RTN1: variants seen among roughly 807,000 people sequenced by gnomAD.
RTN1 encodes reticulon 1.
A neutral mutation model predicts 65.5 loss-of-function variants in RTN1; 25 were observed. The observed-to-expected ratio is 0.38, with a 90% CI of 0.28 to 0.53. The LOEUF (loss-of-function observed/expected upper bound fraction) is 0.53. RTN1 is among the 20% of genes least tolerant of loss of function. RTN1 has a pLI of 0.79. For synonymous variants in RTN1, 471 were observed against 447.6 expected, an observed-to-expected ratio of 1.05 and a Z score of -0.66; for missense variants, 983 against 1,025.4, an observed-to-expected ratio of 0.96 and a Z score of 0.57.
intron 2 of RTN1, among the ~76,000 whole-genome samples, chr14:59,734,287 T>A (rs189309095): frequency 6.6e-6 from 1 of 152,110 alleles, no homozygotes; most frequent in Non-Finnish European, 1.5e-5. Flanking sequence ...AAAGAACCAA[T>A]GCAAAAACTC....
intron 2 of RTN1, among the ~76,000 whole-genome samples, chr14:59,730,893 A>T (rs1264763422): frequency 6.6e-6 from 1 of 152,218 alleles, no homozygotes; most frequent in Admixed American, 6.5e-5. Context: ...ACCTTTATGC[A>T]CTGCTGGTGG....
chr14:59,654,215 C>T (rs1019393242), intron 3 of RTN1, among the ~76,000 whole-genome samples: 3 of 152,138 alleles, frequency 2.0e-5, no homozygotes, highest in African/African-American at 4.8e-5. Context: ...CACCTGAGGT[C>T]GGGAGTTCGA....
intron 3 of RTN1, among the ~76,000 whole-genome samples, chr14:59,721,026 A>G (rs1884636403): frequency 6.6e-6 from 1 of 152,144 alleles, no homozygotes. Flanking sequence ...TAGAATTATG[A>G]GAAGAAAGTA....
chr14:59,839,874 G>A (rs965775140), intron 1 of RTN1, among the ~76,000 whole-genome samples: 2 of 151,862 alleles, frequency 1.3e-5, no homozygotes, highest in Non-Finnish European at 2.9e-5. Context: ...TACACATACA[G>A]AAAAAAATCA....
chr14:59,815,634 G>T (rs866859360), intron 1 of RTN1, among the ~76,000 whole-genome samples: 3 of 152,096 alleles, frequency 2.0e-5, no homozygotes, highest in African/African-American at 7.2e-5. Flanking sequence ...GTCTCCATGG[G>T]GAGCCTATCT....
intron 3 of RTN1, among the ~76,000 whole-genome samples, chr14:59,617,838 C>T (rs1402671348): frequency 6.6e-6 from 1 of 152,178 alleles, no homozygotes; most frequent in East Asian, 1.9e-4. Context: ...TACGCTCAGA[C>T]AGTTGCAAAG....
At chr14:59,817,293 G>T (rs565632360) in intron 1 of RTN1, among the ~76,000 whole-genome samples, 7 of 152,284 alleles carry the variant, frequency 4.6e-5, no homozygotes, top group Non-Finnish European at 1.0e-4. Context: ...AGGATGCCAT[G>T]AGCCTATCTA....
chr14:59,782,312 T>C (rs1295572942), intron 1 of RTN1, among the ~76,000 whole-genome samples: 1 of 152,312 alleles, frequency 6.6e-6, no homozygotes, highest in Admixed American at 6.5e-5. Flanking sequence ...ATGAAGGCAT[T>C]GTTACTGGAA....
chr14:59,736,366 A>G (rs748013386), intron 2 of RTN1, among the ~76,000 whole-genome samples: 1 of 152,198 alleles, frequency 6.6e-6, no homozygotes, highest in Admixed American at 6.5e-5. Context: ...CCACAGAAAT[A>G]CAAACAATGA....
At chr14:59,703,384 G>A (rs1326732219) in intron 3 of RTN1, among the ~76,000 whole-genome samples, 1 of 152,076 alleles carries the variant, frequency 6.6e-6, no homozygotes, top group Non-Finnish European at 1.5e-5. Flanking sequence ...GAGTTCACAT[G>A]AGATCTGATT....
intron 3 of RTN1, among the ~76,000 whole-genome samples, chr14:59,720,100 C>A (rs1449510075): frequency 2.6e-5 from 4 of 152,012 alleles, no homozygotes; most frequent in East Asian, 1.9e-4. Flanking sequence ...TACCAAGGTA[C>A]AATAACCATT....
intron 3 of RTN1, among the ~76,000 whole-genome samples, chr14:59,671,606 C>G (rs1883506345): frequency 6.6e-6 from 1 of 152,212 alleles, no homozygotes; most frequent in South Asian, 2.1e-4. Context: ...CACAAAGCCC[C>G]TCAGTGGTAG....
chr14:59,802,972 A>T (rs1345923072), intron 1 of RTN1, among the ~76,000 whole-genome samples: 1 of 151,928 alleles, frequency 6.6e-6, no homozygotes, highest in South Asian at 2.1e-4. Flanking sequence ...TACAGGTGAC[A>T]TTTAATTTTC....
At chr14:59,597,314 T>C (rs1041190974) in intron 8 of RTN1, among the ~76,000 whole-genome samples, 1 of 152,248 alleles carries the variant, frequency 6.6e-6, no homozygotes, top group Non-Finnish European at 1.5e-5. Flanking sequence ...TTCTATTAAT[T>C]AGCTGTGTGG....
chr14:59,744,736 C>T (rs1482644675), intron 2 of RTN1, among the ~76,000 whole-genome samples: 1 of 152,098 alleles, frequency 6.6e-6, no homozygotes, highest in Non-Finnish European at 1.5e-5. Context: ...CTAAAAGATC[C>T]AGAAGTCCAC....
chr14:59,636,116 G>A (rs1472508364), intron 3 of RTN1, among the ~76,000 whole-genome samples: 1 of 152,176 alleles, frequency 6.6e-6, no homozygotes, highest in African/African-American at 2.4e-5. Flanking sequence ...GTTGAAATAG[G>A]AAAGTTTAAA....
rs369829271 is a variant in RTN1 at position 59,770,587 on chromosome 14, T to C, written c.242-24106A>G. On this transcript the variant is annotated intron_variant, in intron 1 of 8. Transcript: ENST00000267484. ...CTTAATGTTATGGTAAAGCTTTATA[T>C]ATGTATTTATGTGTATACGTATTTT... Among the ~76,000 whole-genome samples the C allele has an allele frequency of 1.6e-3, 251 of 152,220 alleles. 1 individual carries two copies. The highest frequency in any genetic ancestry group is 5.6e-3 in the African/African-American group (233 of 41,554).
chr14:59,609,979 G>A (rs1305141889), intron 3 of RTN1: 1 of 637,676 alleles, frequency 1.6e-6, no homozygotes, highest in Non-Finnish European at 2.8e-6. Context: ...TGCTGAAGGG[G>A]GCACTCCTTA....
chr14:59,748,829 G>A (rs142576560), intron 1 of RTN1, among the ~76,000 whole-genome samples: 3 of 151,862 alleles, frequency 2.0e-5, no homozygotes, highest in African/African-American at 4.8e-5. Context: ...TTACTCTGTC[G>A]CCCAGGCTGG....
Sources: allele counts gnomAD v4.1 joint callset (sites outside exome capture counted in the v4.1 genomes callset), GRCh38; gene constraint gnomAD v4.1.1; transcripts MANE v1.5; gene names NCBI Gene and HGNC (gene_info 2026-07-23, HGNC 2026-07-21).